Variants in GP6 observed in about 807,000 individuals in gnomAD.
The protein encoded by GP6 is glycoprotein VI platelet.
GP6 carries 45 observed loss-of-function variants against 37.3 expected under a neutral mutation model. The observed-to-expected ratio is 1.21, with a 90% CI of 0.95 to 1.55. The LOEUF is 1.55. Ranked by LOEUF, GP6 falls within the 40% of genes most tolerant of loss-of-function variation. The pLI is 0.00. For missense variants in GP6, 813 were observed against 760.2 expected (o/e 1.07, Z -0.82); for synonymous variants, 340 against 316.4 (o/e 1.07, Z -0.79).
intron 3 of GP6, among the ~76,000 whole-genome samples, chr19:55,029,886 G>C (rs1191365735): frequency 6.6e-6 from 1 of 151,972 alleles, no homozygotes; most frequent in African/African-American, 2.4e-5. Context: ...CAGTGATGCT[G>C]TGGAGGGGAG....
chr19:55,034,360 G>T (rs1450539449), intron 1 of GP6, among the ~76,000 whole-genome samples: 1 of 151,974 alleles, frequency 6.6e-6, no homozygotes, highest in Non-Finnish European at 1.5e-5. Flanking sequence ...TTCAAGACCA[G>T]CCTGGTCAAC....
intron 1 of GP6, among the ~76,000 whole-genome samples, chr19:55,037,748 C>T (rs1270652847): frequency 6.7e-6 from 1 of 148,910 alleles, no homozygotes; most frequent in Non-Finnish European, 1.5e-5. Flanking sequence ...TCTCCCACCT[C>T]AGCCTCCCAC....
intron 1 of GP6, among the ~76,000 whole-genome samples, chr19:55,034,109 CAT>C (rs1277768162): frequency 1.4e-5 from 2 of 144,818 alleles, no homozygotes; most frequent in South Asian, 4.3e-4. Context: ...CACGTGTGTA[CAT>C]ACACACGTGT....
At chr19:55,018,746 G>A (rs2073967729) in intron 5 of GP6, 35 bp from the exon 6 acceptor site, 1 of 1,444,162 alleles carries the variant, frequency 6.9e-7, no homozygotes, top group South Asian at 1.1e-5. Context: ...TCTTCCCCGT[G>A]GTTCCCTATA....
chr19:55,033,319 G>A (rs149786615), intron 1 of GP6, among the ~76,000 whole-genome samples: 3,261 of 75,830 alleles, frequency 0.043, 204 homozygotes, highest in East Asian at 0.3. Flanking sequence ...TGTTAGACAC[G>A]GTGGACTCGT....
Position 55,032,410 on chromosome 19 carries a change from A to G in GP6, c.68-14T>C, listed in dbSNP as rs1310919103. The G allele has an allele frequency of 3.1e-6, 5 of 1,611,980 alleles. No individual in the cohort carries two copies. In the South Asian group the frequency reaches 5.5e-5, roughly 18 times the overall value. Reference sequence around the variant, plus strand: ...TGGGGAGCGGTCCTGGAAGAGGAGCAGGGCTGGGTCAGCCTCCCCGCAGAC... The same window carrying G: ...TGGGGAGCGGTCCTGGAAGAGGAGCGGGGCTGGGTCAGCCTCCCCGCAGAC... On this transcript the variant is annotated splice_polypyrimidine_tract_variant and intron_variant, in intron 2 of 7. Coordinates refer to ENST00000310373, the MANE Select transcript of GP6 (RefSeq NM_001083899.2).
At chr19:55,020,120 T>A (rs1201791623) in intron 5 of GP6, among the ~76,000 whole-genome samples, 1 of 152,016 alleles carries the variant, frequency 6.6e-6, no homozygotes, top group Non-Finnish European at 1.5e-5. Flanking sequence ...AAAACTAGTT[T>A]ATGCTCAGCT....
rs2074621811 is a variant in GP6 at position 55,032,858 on chromosome 19, A to T, written c.35-320T>A. The stretch of plus-strand genomic sequence containing the variant: ...CTCTCTGTGGACTTGTTCGTGTTAG[A>T]CACGGTGGGCTCGTTCGTGTTAGAC... On this transcript the variant is annotated intron_variant, in intron 1 of 7. Coordinates refer to ENST00000310373, the MANE Select transcript of GP6 (RefSeq NM_001083899.2). 2 of 513,548 alleles carry T rather than the reference A, an allele frequency of 3.9e-6. 1 individual carries two copies. 31.8% of individuals were successfully genotyped at this position (513,548 alleles called of 1,614,324 possible). A position where few individuals can be genotyped will look rare whatever the true frequency, so the allele number is the denominator to read the frequency against.
At position 55,015,735 on chromosome 19, in the gene GP6, T is replaced by C; in HGVS notation, c.725-2A>G. On this transcript the variant is annotated splice_acceptor_variant, in intron 6 of 7. Coordinates refer to ENST00000310373, the MANE Select transcript of GP6 (RefSeq NM_001083899.2). LOFTEE classifies it high-confidence loss of function. The stretch of plus-strand genomic sequence containing the variant: ...TGGCGGTGATACTCCTAGAAGTCTC[T>C]GGGAACCAAACAAAGGCTAAGTGTG... 1 of 1,538,732 alleles carries C rather than the reference T, an allele frequency of 6.5e-7. No homozygotes were observed. Among genetic ancestry groups the C allele is most frequent in the Non-Finnish European group, 9.0e-7 (1 of 1,110,674 alleles).
At chr19:55,025,002 A>G (rs527453330) in intron 5 of GP6, among the ~76,000 whole-genome samples, 1 of 152,266 alleles carries the variant, frequency 6.6e-6, no homozygotes, top group African/African-American at 2.4e-5. Flanking sequence ...TATGTGATAA[A>G]CCATCCACCT....
chr19:55,031,287 C>T (rs1004778614), intron 3 of GP6, among the ~76,000 whole-genome samples: 7 of 152,234 alleles, frequency 4.6e-5, no homozygotes, highest in South Asian at 2.1e-4. Context: ...AAAAGAATCC[C>T]GAGCCAAGCA....
chr19:55,036,223 G>A (rs1337452338), intron 1 of GP6, among the ~76,000 whole-genome samples: 1 of 152,088 alleles, frequency 6.6e-6, no homozygotes, highest in Non-Finnish European at 1.5e-5. Context: ...GGCATGCAGA[G>A]TGATGTAATG....
intron 5 of GP6, 92 bp from the exon 6 acceptor site, chr19:55,018,803 A>G: frequency 1.1e-6 from 1 of 871,476 alleles, no homozygotes; most frequent in Admixed American, 1.8e-5. Context: ...AGGCTCCCTG[A>G]AACCCCTTTC....
intron 5 of GP6, among the ~76,000 whole-genome samples, chr19:55,019,678 C>CTTTTTTTT (rs770367312): frequency 2.0e-4 from 25 of 126,740 alleles, no homozygotes; most frequent in Non-Finnish European, 2.6e-4. Context: ...TTCTTTTTTT[C>CTTTTTTTT]TTTTTTTTTT....
chr19:55,031,062 G>A (rs934614557), intron 3 of GP6, among the ~76,000 whole-genome samples: 1 of 151,872 alleles, frequency 6.6e-6, no homozygotes, highest in Admixed American at 6.6e-5. Context: ...TGCCCAGGCT[G>A]GTCTTGAACT....
chr19:55,026,467 C>A (rs975321373), intron 4 of GP6, among the ~76,000 whole-genome samples: 2 of 151,950 alleles, frequency 1.3e-5, no homozygotes, highest in Non-Finnish European at 2.9e-5. Context: ...AGCATAATGT[C>A]CTCAAGGTAT....
chr19:55,016,341 C>A (rs4806631), intron 6 of GP6, among the ~76,000 whole-genome samples: 115,824 of 149,888 alleles, frequency 0.77, 45,407 homozygotes, highest in Middle Eastern at 0.85. Context: ...TATAAAGCAC[C>A]GTGCTTGACA....
intron 1 of GP6, among the ~76,000 whole-genome samples, chr19:55,034,464 G>T (rs1378693644): frequency 6.6e-6 from 1 of 151,834 alleles, no homozygotes; most frequent in Non-Finnish European, 1.5e-5. Flanking sequence ...GCTGAGTCAG[G>T]AGAATCACTT....
chr19:55,019,555 T>G (rs2074000217), intron 5 of GP6, among the ~76,000 whole-genome samples: 1 of 152,190 alleles, frequency 6.6e-6, no homozygotes, highest in Non-Finnish European at 1.5e-5. Flanking sequence ...GTATGTGAAT[T>G]ATATCTCAGT....
Sources: gnomAD v4.1 joint callset for allele counts (sites outside exome capture counted in the v4.1 genomes callset) on GRCh38, gnomAD v4.1.1 for gene constraint, MANE v1.5 for transcripts, NCBI Gene and HGNC (gene_info 2026-07-23, HGNC 2026-07-21) for gene names.